Variants in SAMD5 observed in about 807,000 individuals in gnomAD.
The protein encoded by SAMD5 is sterile alpha motif domain containing 5.
SAMD5 carries 13 observed loss-of-function variants against 11.3 expected under a neutral mutation model. The ratio of observed to expected loss-of-function variants is 1.15; its 90% CI spans 0.75 to 1.83. SAMD5 has a LOEUF of 1.83. SAMD5 is among the 40% of genes most tolerant of loss of function. The probability of loss-of-function intolerance (pLI) is 0.00; values close to 1 mark genes in which losing one functional copy is unlikely to be tolerated. For synonymous variants in SAMD5, 129 were observed against 111.3 expected (o/e 1.16, Z -1.00); for missense variants, 255 against 239.1 (o/e 1.07, Z -0.44).
At chr6:147,540,941 T>A (rs796663801) in intron 1 of SAMD5, among the ~76,000 whole-genome samples, 2,379 of 136,640 alleles carry the variant, frequency 0.017, 64 homozygotes, top group South Asian at 0.079. Flanking sequence ...GCGTTTTTTT[T>A]TTTTTTTTTT....
At chr6:147,763,524 A>T in the SAMD5 span, among the ~76,000 whole-genome samples, 1 of 151,086 alleles carries the variant, frequency 6.6e-6, no homozygotes, top group African/African-American at 2.4e-5. Context: ...CTTAGTTTTT[A>T]CATAATGTTC....
chr6:147,873,858 A>G, the SAMD5 span, among the ~76,000 whole-genome samples: 1 of 152,192 alleles, frequency 6.6e-6, no homozygotes, highest in Non-Finnish European at 1.5e-5. Flanking sequence ...AATGTCCTAT[A>G]TACCTTCTGG....
the SAMD5 span, among the ~76,000 whole-genome samples, chr6:147,847,256 CA>C: frequency 6.6e-6 from 1 of 152,152 alleles, no homozygotes; most frequent in Non-Finnish European, 1.5e-5. Context: ...AGACTAGCTC[CA>C]GAGCAGTCTA....
At chr6:147,515,333 A>T (rs1296985708) in intron 1 of SAMD5, among the ~76,000 whole-genome samples, 1 of 152,000 alleles carries the variant, frequency 6.6e-6, no homozygotes, top group African/African-American at 2.4e-5. Flanking sequence ...GAGTTTCCAC[A>T]TAAGTGGACC....
At chr6:147,844,185 C>G in the SAMD5 span, among the ~76,000 whole-genome samples, 23 of 152,136 alleles carry the variant, frequency 1.5e-4, no homozygotes, top group Non-Finnish European at 7.4e-5. Context: ...GGGCAAAAGA[C>G]TTGAATAAAC....
intron 1 of SAMD5, among the ~76,000 whole-genome samples, chr6:147,714,916 T>C (rs3930503): frequency 0.66 from 100,415 of 152,092 alleles, 33,760 homozygotes; most frequent in African/African-American, 0.77. Context: ...ATTTCAAATT[T>C]AGTTATTAAT....
chr6:147,509,063 G>C lies in SAMD5; in HGVS notation c.135G>C (p.Gly45=), dbSNP rs1379384831. Residue 45 remains glycine, a synonymous_variant, in exon 1 of 2, where the codon GGG becomes GGC. Transcript: ENST00000367474. ...QIGDPDLDAI[G]VLAPAHRRRI... Reference sequence around the variant, plus strand: ...GGGACCCGGACCTGGATGCCATCGGGGTGCTGGCGCCCGCGCACCGCCGCC... The same window carrying C: ...GGGACCCGGACCTGGATGCCATCGGCGTGCTGGCGCCCGCGCACCGCCGCC... The C allele has an allele frequency of 6.2e-7, 1 of 1,604,608 alleles. No individual in the cohort carries two copies. Among genetic ancestry groups the C allele is most frequent in the Non-Finnish European group, 8.5e-7 (1 of 1,176,476 alleles).
rs553396326 is a variant in SAMD5, at chr6:147,641,545, T to G, written c.163-95772T>G. Reference sequence around the variant, plus strand: ...TTGGTTTTTGCCTTGTAAAACAAACTAACTCTCTTTCTCTGTCTTTAATTT... The same window carrying G: ...TTGGTTTTTGCCTTGTAAAACAAACGAACTCTCTTTCTCTGTCTTTAATTT... On this transcript the variant is annotated intron_variant, in intron 1 of 1. Transcript: ENST00000566741. 6.6e-5 allele frequency among the ~76,000 whole-genome samples: 10 copies of G among 151,008 alleles called. No individual in the cohort carries two copies. The South Asian group carries it at 2.1e-3, about 32-fold the overall frequency.
At chr6:147,832,289 G>A in the SAMD5 span, among the ~76,000 whole-genome samples, 21 of 152,284 alleles carry the variant, frequency 1.4e-4, no homozygotes, top group Non-Finnish European at 2.8e-4. Context: ...GGGCAGGCAT[G>A]AGTGTTCATA....
chr6:147,731,785 A>T (rs552648395), intron 1 of SAMD5, among the ~76,000 whole-genome samples: 1 of 150,426 alleles, frequency 6.6e-6, no homozygotes, highest in South Asian at 2.1e-4. Flanking sequence ...AGCAACCAAC[A>T]GAATTTAGAG....
the SAMD5 span, among the ~76,000 whole-genome samples, chr6:147,902,400 T>C: frequency 0.035 from 5,318 of 152,174 alleles, 127 homozygotes; most frequent in South Asian, 0.072. Context: ...TAGGGATTCA[T>C]AGAGCTCATT....
intron 1 of SAMD5, among the ~76,000 whole-genome samples, chr6:147,519,758 CT>C: frequency 6.6e-6 from 1 of 152,238 alleles, no homozygotes; most frequent in East Asian, 1.9e-4. Context: ...GAATACAATG[CT>C]TATTAAAGGA....
the SAMD5 span, among the ~76,000 whole-genome samples, chr6:147,766,090 G>A: frequency 7.4e-5 from 11 of 147,882 alleles, no homozygotes; most frequent in African/African-American, 2.5e-4. Flanking sequence ...TTAAAAATAC[G>A]GTAAGCAATG....
the SAMD5 span, among the ~76,000 whole-genome samples, chr6:147,882,124 C>G: frequency 6.6e-6 from 1 of 152,130 alleles, no homozygotes; most frequent in African/African-American, 2.4e-5. Flanking sequence ...ATTTTCTTCT[C>G]AGTTGTAGCG....
chr6:147,598,341 C>G (rs2128447872), intron 1 of SAMD5, among the ~76,000 whole-genome samples: 1 of 152,196 alleles, frequency 6.6e-6, no homozygotes, highest in African/African-American at 2.4e-5. Flanking sequence ...CCCAGCTGGT[C>G]TCCAACTTCT....
chr6:147,935,624 AAT>A, the SAMD5 span, among the ~76,000 whole-genome samples: 1 of 90,450 alleles, frequency 1.1e-5, no homozygotes, highest in East Asian at 3.6e-4. Flanking sequence ...AGAAAAAAAG[AAT>A]GCACGTAAAA....
intron 1 of SAMD5, among the ~76,000 whole-genome samples, chr6:147,665,340 G>GT (rs2128454850): frequency 6.6e-6 from 1 of 152,326 alleles, no homozygotes; most frequent in Non-Finnish European, 1.5e-5. Flanking sequence ...ACAGGGAGAA[G>GT]TATCTAATGA....
chr6:147,623,792 G>A (rs1040944814), intron 1 of SAMD5, among the ~76,000 whole-genome samples: 2 of 152,200 alleles, frequency 1.3e-5, no homozygotes, highest in Non-Finnish European at 2.9e-5. Context: ...GTGGTAGATG[G>A]TAGTTAGAAT....
chr6:147,796,055 A>G, the SAMD5 span, among the ~76,000 whole-genome samples: 1 of 147,582 alleles, frequency 6.8e-6, no homozygotes, highest in East Asian at 2.0e-4. Flanking sequence ...TGCTGTGCAG[A>G]AGCTCTTTAG....
Sources: gnomAD v4.1 joint callset for allele counts (sites outside exome capture counted in the v4.1 genomes callset) on GRCh38, gnomAD v4.1.1 for gene constraint, MANE v1.5 for transcripts, NCBI Gene and HGNC (gene_info 2026-07-23, HGNC 2026-07-21) for gene names.